Variants in TENM1 observed in about 807,000 individuals in gnomAD.
The protein encoded by TENM1 is teneurin transmembrane protein 1, also known as teneurin-1.
A neutral mutation model predicts 174.8 loss-of-function variants in TENM1; 35 were observed. That is an observed-to-expected ratio of 0.20 (90% CI 0.15 to 0.27). TENM1 has a LOEUF of 0.27. TENM1 is among the 10% of genes least tolerant of loss of function. The pLI, the probability that TENM1 is intolerant of heterozygous loss-of-function variation, is 1.00. For missense variants in TENM1, 1,633 were observed against 2,130.1 expected (o/e 0.77, Z 4.59); for synonymous variants, 781 against 798.7 (o/e 0.98, Z 0.37).
At chrX:124,692,034 G>T (rs1258995211) in intron 5 of TENM1, among the ~76,000 whole-genome samples, 2 of 112,033 alleles carry the variant, frequency 1.8e-5, no homozygotes, top group South Asian at 3.7e-4. Context: ...ATTTCACCAT[G>T]ATCTGGTAAT....
At chrX:124,830,190 G>A (rs904258669) in intron 3 of TENM1, among the ~76,000 whole-genome samples, 4 of 112,187 alleles carry the variant, frequency 3.6e-5, no homozygotes, top group Non-Finnish European at 7.5e-5. Flanking sequence ...AAATAAGGAC[G>A]TGGCTTGGCA....
At chrX:124,634,700 A>G (rs1156465879) in intron 11 of TENM1, among the ~76,000 whole-genome samples, 1 of 112,196 alleles carries the variant, frequency 8.9e-6, no homozygotes, top group Non-Finnish European at 1.9e-5. Context: ...TACATGTGCT[A>G]GACACGCAGA....
chrX:124,833,257 A>G (rs1191232455), intron 3 of TENM1, among the ~76,000 whole-genome samples: 1 of 111,966 alleles, frequency 8.9e-6, no homozygotes, highest in Non-Finnish European at 1.9e-5. Context: ...GCTCTGTAGA[A>G]GCATTTCGTG....
At chrX:124,765,283 T>A (rs1279974363) in intron 3 of TENM1, among the ~76,000 whole-genome samples, 1 of 112,147 alleles carries the variant, frequency 8.9e-6, no homozygotes, top group African/African-American at 3.2e-5. Flanking sequence ...TAAATCCTTA[T>A]CATCTGAGCT....
chrX:125,104,812 A>C, the TENM1 span, among the ~76,000 whole-genome samples: 1 of 112,189 alleles, frequency 8.9e-6, no homozygotes, highest in Admixed American at 9.4e-5. Context: ...TGAAACTTAA[A>C]CATAACAAAC....
chrX:124,958,950 A>ACAT (rs1222834427), intron 1 of TENM1, among the ~76,000 whole-genome samples: 2 of 111,249 alleles, frequency 1.8e-5, no homozygotes, highest in Non-Finnish European at 3.8e-5. Context: ...TAGTAAACTT[A>ACAT]AAAGGCATCT....
chrX:124,452,065 T>C (rs1477158882), intron 23 of TENM1, among the ~76,000 whole-genome samples: 3 of 112,145 alleles, frequency 2.7e-5, no homozygotes, highest in Non-Finnish European at 5.6e-5. Flanking sequence ...CAAAAGAAAC[T>C]ACCATCAGAG....
chrX:124,722,839 C>CAAAAAA (rs761441453), intron 4 of TENM1, among the ~76,000 whole-genome samples: 3 of 24,757 alleles, frequency 1.2e-4, no homozygotes, highest in African/African-American at 4.1e-4. Flanking sequence ...GACTCCGTCT[C>CAAAAAA]AAAAAAAAAA....
chrX:125,046,052 A>C, the TENM1 span, among the ~76,000 whole-genome samples: 1 of 101,330 alleles, frequency 9.9e-6, no homozygotes, highest in African/African-American at 4.1e-5. Context: ...ATATTTAAAA[A>C]CAGAAACAAA....
chrX:124,426,310 C>G (rs769837291), intron 23 of TENM1, among the ~76,000 whole-genome samples: 7 of 111,739 alleles, frequency 6.3e-5, no homozygotes, highest in African/African-American at 2.3e-4. Context: ...AAAATAGTAA[C>G]AGTAATGTAG....
the TENM1 span, among the ~76,000 whole-genome samples, chrX:125,030,754 G>C: frequency 8.9e-6 from 1 of 111,800 alleles, no homozygotes; most frequent in Non-Finnish European, 1.9e-5. Context: ...AGTTGCATTA[G>C]TTTAATTCAC....
At chrX:124,734,588 T>C (rs2053631278) in intron 4 of TENM1, among the ~76,000 whole-genome samples, 1 of 112,332 alleles carries the variant, frequency 8.9e-6, no homozygotes, top group Non-Finnish European at 1.9e-5. Flanking sequence ...TCACCCTTTA[T>C]GAAACCATTT....
In TENM1 at chrX:124,671,176, T is replaced by C. The variant is rs1402408740; in HGVS notation, c.1168+507A>G. Among the ~76,000 whole-genome samples the C allele has an allele frequency of 4.5e-5, 5 of 110,817 alleles. No individual in the cohort carries two copies. The East Asian group carries it at 1.4e-3, about 31-fold the overall frequency. On this transcript the variant is annotated intron_variant, in intron 6 of 31. Transcript: ENST00000422452. Reference sequence around the variant, plus strand: ...AGTTCAGGACTCAAAGTGATTTTTTTTTTCTTTCTCCCAACTAGGAAGAAT... The same window carrying C: ...AGTTCAGGACTCAAAGTGATTTTTTCTTTCTTTCTCCCAACTAGGAAGAAT...
At chrX:124,673,465 T>G (rs756179823) in intron 5 of TENM1, among the ~76,000 whole-genome samples, 1 of 112,007 alleles carries the variant, frequency 8.9e-6, no homozygotes, top group East Asian at 2.8e-4. Context: ...GGCAAATAAC[T>G]GATATAATAA....
At chrX:124,830,354 C>G (rs928052248) in intron 3 of TENM1, among the ~76,000 whole-genome samples, 1 of 111,562 alleles carries the variant, frequency 9.0e-6, no homozygotes, top group Non-Finnish European at 1.9e-5. Context: ...GGGGCAGTCT[C>G]CCCATTTCTG....
At chrX:124,716,328 T>A (rs931088762) in intron 4 of TENM1, among the ~76,000 whole-genome samples, 14 of 111,739 alleles carry the variant, frequency 1.3e-4, no homozygotes, top group Non-Finnish European at 2.3e-4. Context: ...CAACCACCAT[T>A]TTTGTTAGGT....
At position 124,748,495 on chromosome X, in the gene TENM1, G is replaced by A. The variant is rs147498824; in HGVS notation, c.536-11298C>T. On this transcript the variant is annotated intron_variant, in intron 3 of 31. Transcript: ENST00000422452. ...ACTTATAACTTACAAAATAAATGAT[G>A]AGGAAGCCAAAGAAAAGGAGAAATT... Among the ~76,000 whole-genome samples the A allele has an allele frequency of 2.1e-3, 231 of 111,003 alleles. 1 individual carries two copies. The highest frequency in any genetic ancestry group is 6.8e-3 in the African/African-American group (209 of 30,642).
chrX:124,382,887 ACCTC>A, intron 30 of TENM1, 75 bp from the exon 34 acceptor site: 2 of 891,158 alleles, frequency 2.2e-6, no homozygotes, highest in Non-Finnish European at 3.0e-6. Flanking sequence ...CTTGAAAGAT[ACCTC>A]TCCTGCCTTC....
At chrX:124,507,187 T>C (rs192615010) in intron 18 of TENM1, among the ~76,000 whole-genome samples, 7 of 111,708 alleles carry the variant, frequency 6.3e-5, no homozygotes, top group South Asian at 3.8e-4. Flanking sequence ...CAGGAATAAG[T>C]GGATAAGGGG....
Sources: gnomAD v4.1 joint callset for allele counts (sites outside exome capture counted in the v4.1 genomes callset) on GRCh38, gnomAD v4.1.1 for gene constraint, MANE v1.5 for transcripts, NCBI Gene and HGNC (gene_info 2026-07-23, HGNC 2026-07-21) for gene names.